The following TRHDE variants were observed in gnomAD, a reference collection of about 807,000 sequenced individuals.
TRHDE encodes the protein thyrotropin-releasing hormone-degrading ectoenzyme.
TRHDE carries 72 observed loss-of-function variants against 125.7 expected under a neutral mutation model. The observed-to-expected ratio is 0.57, with a 90% CI of 0.47 to 0.70. TRHDE has a LOEUF of 0.70. Ranked by LOEUF, TRHDE falls within the 30% of genes least tolerant of loss-of-function variation. The pLI is 0.00. For missense variants in TRHDE, 1,110 were observed against 1,327.1 expected (o/e 0.84, Z 2.54); for synonymous variants, 509 against 509.1 (o/e 1.00, Z 0.00).
intron 2 of TRHDE, among the ~76,000 whole-genome samples, chr12:72,223,300 G>A (rs2139369334): frequency 6.6e-6 from 1 of 152,212 alleles, no homozygotes; most frequent in Non-Finnish European, 1.5e-5. Flanking sequence ...TGGAAGCTTG[G>A]CATCCAGAGG....
chr12:72,411,237 A>C (rs1338657089), intron 3 of TRHDE, among the ~76,000 whole-genome samples: 1 of 151,492 alleles, frequency 6.6e-6, no homozygotes, highest in Admixed American at 6.6e-5. Flanking sequence ...CAAAATTGCA[A>C]CTGATAACAT....
Position 72,563,021 on chromosome 12 carries a change from C to T in TRHDE, c.2023C>T (p.Leu675Phe). ...TGATATCAGTGCTAAAACTAAAGCA[C>T]TTAAACTTCAGAATAACAGGTATGA... Reference protein sequence around the residue: ...IYDISAKTKALKLQNNSYLWQ... With the variant: ...IYDISAKTKAFKLQNNSYLWQ... The change falls in exon 9 of 19, where the codon CTT (leucine) becomes TTT (phenylalanine). Residue 675 changes from leucine (L) to phenylalanine (F), a missense_variant. By Grantham distance (22) the Leu-to-Phe change is conservative. Around this residue, in one of 5 missense-constraint regions of TRHDE, gnomAD observed 527 missense variants for 651.8 expected, o/e 0.81. Coordinates refer to ENST00000261180, the MANE Select transcript of TRHDE (RefSeq NM_013381.3). 1.9e-6 allele frequency: 3 copies of T among 1,598,080 alleles called. No individual in the cohort carries two copies. The highest frequency in any genetic ancestry group is 1.1e-5 in the South Asian group (1 of 87,774).
At chr12:72,437,992 T>C (rs1455599537) in intron 3 of TRHDE, among the ~76,000 whole-genome samples, 1 of 151,846 alleles carries the variant, frequency 6.6e-6, no homozygotes, top group Non-Finnish European at 1.5e-5. Flanking sequence ...GATCAGCTTT[T>C]TTAGATTTCA....
chr12:72,100,593 T>C (rs192487404), intron 1 of TRHDE, among the ~76,000 whole-genome samples: 1 of 152,332 alleles, frequency 6.6e-6, no homozygotes, highest in Admixed American at 6.5e-5. Context: ...ACATCCCTTC[T>C]ACTTCCTCTG....
intron 5 of TRHDE, among the ~76,000 whole-genome samples, chr12:72,479,461 CA>C (rs1466898166): frequency 1.3e-5 from 2 of 151,938 alleles, no homozygotes; most frequent in Non-Finnish European, 2.9e-5. Context: ...GAAGATAAAA[CA>C]AGCATAATTC....
chr12:72,655,375 T>C (rs1874667131), intron 17 of TRHDE, among the ~76,000 whole-genome samples: 1 of 152,162 alleles, frequency 6.6e-6, no homozygotes. Flanking sequence ...CCTTGGCCTG[T>C]ATGCACTGTT....
intron 5 of TRHDE, among the ~76,000 whole-genome samples, chr12:72,486,182 A>G (rs962319848): frequency 6.6e-6 from 1 of 152,182 alleles, no homozygotes; most frequent in Non-Finnish European, 1.5e-5. Context: ...CCCTGGGTCC[A>G]GGTTGCTGGG....
intron 12 of TRHDE, among the ~76,000 whole-genome samples, chr12:72,594,748 G>A (rs1014199849): frequency 1.3e-5 from 2 of 151,920 alleles, no homozygotes; most frequent in Admixed American, 6.6e-5. Flanking sequence ...ATTTGACCCA[G>A]CCATCCCATT....
chr12:72,273,485 T>C lies in TRHDE; in HGVS notation c.842T>C (p.Ile281Thr), dbSNP rs759890958. ...CAGAGGAATTACAATCTGAAGATTA[T>C]CTACAACGCGCTCATCGAGAATGAG... ...DAQRNYNLKI[I>T]YNALIENELL... The change falls in exon 1 of 19, where the codon ATC becomes ACC. Residue 281 changes from isoleucine to threonine, a missense_variant. Physicochemically the swap from Ile to Thr is moderately conservative, Grantham distance 89. Transcript: ENST00000261180. This position sits in a 1 kb window ranked among gnomAD's most constrained non-coding sequence, Gnocchi z 5.3. The C allele has an allele frequency of 1.2e-6, 2 of 1,613,062 alleles. No individual in the cohort carries two copies. The highest frequency in any genetic ancestry group is 1.7e-6 in the Non-Finnish European group (2 of 1,180,022).
At chr12:72,629,282 ATAGT>A (rs1873381373) in intron 15 of TRHDE, among the ~76,000 whole-genome samples, 1 of 151,824 alleles carries the variant, frequency 6.6e-6, no homozygotes, top group African/African-American at 2.4e-5. Context: ...CACATAGTCA[ATAGT>A]TATTTTTTCA....
At chr12:72,170,134 T>A (rs553717758) in intron 2 of TRHDE, among the ~76,000 whole-genome samples, 1 of 152,128 alleles carries the variant, frequency 6.6e-6, no homozygotes, top group Admixed American at 6.5e-5. Flanking sequence ...TGGCATAAGG[T>A]GTTAAGGCTA....
At chr12:72,326,015 A>G (rs967976913) in intron 2 of TRHDE, among the ~76,000 whole-genome samples, 1 of 152,186 alleles carries the variant, frequency 6.6e-6, no homozygotes, top group Non-Finnish European at 1.5e-5. Flanking sequence ...TTCTCCAAGT[A>G]TTTGGCATTG....
chr12:72,333,486 T>A (rs1412552085), intron 2 of TRHDE, among the ~76,000 whole-genome samples: 1 of 152,178 alleles, frequency 6.6e-6, no homozygotes, highest in African/African-American at 2.4e-5. Context: ...GAAAAATTTG[T>A]GACAGTAATG....
At chr12:72,531,750 A>G (rs1021487896) in intron 6 of TRHDE, among the ~76,000 whole-genome samples, 8 of 152,066 alleles carry the variant, frequency 5.3e-5, no homozygotes, top group African/African-American at 1.9e-4. Flanking sequence ...CTGGTATCAC[A>G]TACCATCTCT....
chr12:72,322,651 G>C (rs1869149623), intron 2 of TRHDE, among the ~76,000 whole-genome samples: 2 of 152,098 alleles, frequency 1.3e-5, no homozygotes, highest in African/African-American at 4.8e-5. Context: ...GCAACAACTT[G>C]TAGAAATAAC....
intron 2 of TRHDE, chr12:72,137,692 A>T (rs1343501512): frequency 6.6e-6 from 1 of 152,234 alleles, no homozygotes; most frequent in Non-Finnish European, 1.5e-5. Context: ...CTGATCAGTT[A>T]GAACTATTCT....
intron 3 of TRHDE, among the ~76,000 whole-genome samples, chr12:72,380,847 TTC>T (rs368233208): frequency 1.4e-5 from 2 of 139,262 alleles, no homozygotes; most frequent in Admixed American, 7.1e-5. Flanking sequence ...CCCTCCCTCC[TTC>T]TCTCTCTCTC....
At chr12:72,359,745 C>T (rs1870983667) in intron 2 of TRHDE, among the ~76,000 whole-genome samples, 2 of 151,530 alleles carry the variant, frequency 1.3e-5, no homozygotes, top group Non-Finnish European at 3.0e-5. Context: ...GCAGTGCTAG[C>T]AACATTTACA....
intron 2 of TRHDE, among the ~76,000 whole-genome samples, chr12:72,224,116 A>G (rs1389136523): frequency 1.8e-5 from 1 of 56,786 alleles, no homozygotes; most frequent in East Asian, 3.1e-4. Context: ...CTATCTATCT[A>G]TCTATCTATC....
Sources: allele counts gnomAD v4.1 joint callset (sites outside exome capture counted in the v4.1 genomes callset), GRCh38; gene constraint gnomAD v4.1.1; regional missense constraint gnomAD v4.1.1; non-coding constraint Gnocchi (gnomAD v3.1); transcripts MANE v1.5; gene names NCBI Gene and HGNC (gene_info 2026-07-23, HGNC 2026-07-21).